LAMC1: variants seen among roughly 807,000 people sequenced by gnomAD.
LAMC1 encodes laminin subunit gamma-1.
In LAMC1, 38 loss-of-function variants were observed where a neutral mutation model predicts 173.6. The ratio of observed to expected loss-of-function variants is 0.22; its 90% CI spans 0.17 to 0.29. The LOEUF (loss-of-function observed/expected upper bound fraction) is 0.29. Among genes scored for constraint, LAMC1 ranks in the 10% least tolerant of loss-of-function variants. LAMC1 has a pLI of 1.00. For synonymous variants in LAMC1, 746 were observed against 749.1 expected (o/e 1.00, Z 0.07); for missense variants, 1,824 against 2,051.8 (o/e 0.89, Z 2.14).
intron 4 of LAMC1, 52 bp downstream of exon 4, chr1:183,110,706 T>C (rs1247462900): frequency 6.4e-7 from 1 of 1,560,832 alleles, no homozygotes; most frequent in East Asian, 2.3e-5. Context: ...CTTCCAAGGG[T>C]GGAAGAAGGA....
At chr1:183,031,543 A>G (rs1358735660) in intron 1 of LAMC1, among the ~76,000 whole-genome samples, 4 of 152,156 alleles carry the variant, frequency 2.6e-5, no homozygotes, top group Admixed American at 2.0e-4. Context: ...ACCTCAGGTG[A>G]TCTGCCCGTC....
At chr1:183,125,700 T>C in intron 15 of LAMC1, 150 bp downstream of exon 15, 1 of 613,968 alleles carries the variant, frequency 1.6e-6, no homozygotes, top group Non-Finnish European at 2.8e-6. Flanking sequence ...TGCTGGAGAA[T>C]TGTAATAAAG....
intron 1 of LAMC1, among the ~76,000 whole-genome samples, chr1:183,066,724 A>C (rs1204038046): frequency 6.6e-6 from 1 of 152,208 alleles, no homozygotes; most frequent in Admixed American, 6.5e-5. Context: ...CAAACACTGC[A>C]TGTTCTCACT....
intron 21 of LAMC1, among the ~76,000 whole-genome samples, chr1:183,133,191 G>A (rs777980862): frequency 3.3e-5 from 5 of 152,242 alleles, no homozygotes; most frequent in African/African-American, 7.2e-5. Context: ...GATTACAGGC[G>A]TGAGCCACTG....
chr1:183,127,532 T>G, intron 17 of LAMC1, 128 bp downstream of exon 17: 1 of 755,362 alleles, frequency 1.3e-6, no homozygotes, highest in Non-Finnish European at 2.1e-6. Context: ...AGACTTATGT[T>G]CCAGTTGGGA....
chr1:183,136,409 A>C lies in LAMC1; in HGVS notation c.4138A>C (p.Asn1380His). The C allele has an allele frequency of 8.7e-6, 14 of 1,614,208 alleles. No individual in the cohort carries two copies. The highest frequency in any genetic ancestry group is 1.2e-5 in the Non-Finnish European group (14 of 1,180,030). Residue 1380 changes from asparagine (N) to histidine (H), a missense_variant, in exon 25 of 28, where the codon AAC (asparagine) becomes CAC (histidine). Coordinates refer to ENST00000258341, the MANE Select transcript of LAMC1 (RefSeq NM_002293.4). ...LKDFDRRVND[N>H]KTAAEEALRK... ...AGATTTTGATAGGCGTGTGAACGAT[A>C]ACAAGACGGCCGCAGAGGAGGCACT...
chr1:183,056,682 G>A (rs1654605923), intron 1 of LAMC1, among the ~76,000 whole-genome samples: 1 of 152,224 alleles, frequency 6.6e-6, no homozygotes, highest in Admixed American at 6.5e-5. Flanking sequence ...AGGTGAGGAA[G>A]CTGAGGTCCA....
At chr1:183,111,816 C>T (rs1427607391) in intron 4 of LAMC1, among the ~76,000 whole-genome samples, 1 of 152,076 alleles carries the variant, frequency 6.6e-6, no homozygotes, top group African/African-American at 2.4e-5. Flanking sequence ...GGTTGGATCA[C>T]CTGAGGTCAG....
intron 1 of LAMC1, among the ~76,000 whole-genome samples, chr1:183,072,002 T>C (rs1655022712): frequency 6.6e-6 from 1 of 152,236 alleles, no homozygotes; most frequent in African/African-American, 2.4e-5. Flanking sequence ...GTAAAAATTG[T>C]ATTTAGAGTA....
At chr1:183,137,585 T>C (rs1656980898) in intron 25 of LAMC1, 84 bp from the exon 26 acceptor site, 2 of 736,468 alleles carry the variant, frequency 2.7e-6, no homozygotes, top group East Asian at 6.1e-5. Flanking sequence ...TTTAAGACAT[T>C]TTATAAATTA....
At chr1:183,103,048 A>G (rs181919310) in intron 1 of LAMC1, among the ~76,000 whole-genome samples, 1 of 152,250 alleles carries the variant, frequency 6.6e-6, no homozygotes, top group Non-Finnish European at 1.5e-5. Flanking sequence ...AATTAATAGT[A>G]TAAGTACAGT....
chr1:183,108,432 G>A (rs779528495), intron 3 of LAMC1, 26 bp downstream of exon 3: 1 of 1,601,986 alleles, frequency 6.2e-7, no homozygotes, highest in African/African-American at 1.3e-5. Context: ...AATTAGTCTT[G>A]AAAGTGTTTG....
rs777741748 is a variant in LAMC1 at position 183,128,691 on chromosome 1, G to T, written c.3221G>T (p.Arg1074Ile). The change falls in exon 18 of 28, where the codon AGA becomes ATA. Residue 1074 changes from arginine (R) to isoleucine (I), a missense_variant. Physicochemically the swap from Arg to Ile is moderately conservative, Grantham distance 97. Coordinates refer to ENST00000258341, the MANE Select transcript of LAMC1 (RefSeq NM_002293.4). ...EMVTDQAFEDRLKEAEREVMD... is the reference protein window; with the variant it reads ...EMVTDQAFEDILKEAEREVMD... ...GTGACAGATCAAGCCTTCGAGGATAGACTAAAGGAAGCAGAGAGGGAAGTT... is the reference window on the plus strand; with the variant it reads ...GTGACAGATCAAGCCTTCGAGGATATACTAAAGGAAGCAGAGAGGGAAGTT... The T allele has an allele frequency of 6.2e-7, 1 of 1,613,632 alleles. No homozygotes were observed. The highest frequency in any genetic ancestry group is 1.7e-5 in the Admixed American group (1 of 59,996).
intron 1 of LAMC1, among the ~76,000 whole-genome samples, chr1:183,031,675 AG>A (rs1490702414): frequency 1.3e-5 from 2 of 152,114 alleles, no homozygotes; most frequent in African/African-American, 4.8e-5. Flanking sequence ...TTTGGGTTTT[AG>A]GGAAAGGTGT....
intron 1 of LAMC1, among the ~76,000 whole-genome samples, chr1:183,044,014 G>T (rs1654204073): frequency 6.6e-6 from 1 of 151,832 alleles, no homozygotes; most frequent in African/African-American, 2.4e-5. Context: ...TTTCTGTCCA[G>T]TTTTTTTTAA....
At chr1:183,117,494 C>T in intron 9 of LAMC1, 40 bp from the exon 10 acceptor site, 1 of 1,611,592 alleles carries the variant, frequency 6.2e-7, no homozygotes, top group Middle Eastern at 1.7e-4. Flanking sequence ...TGTTTAGTCT[C>T]AGTCTCACAT....
chr1:183,136,365 G>A, intron 24 of LAMC1, 21 bp from the exon 25 acceptor site: 1 of 1,610,510 alleles, frequency 6.2e-7, no homozygotes, highest in Non-Finnish European at 8.5e-7. Context: ...TAGCTCAAAT[G>A]TGTCCTTGAA....
intron 25 of LAMC1, among the ~76,000 whole-genome samples, 156 bp downstream of exon 25, chr1:183,136,741 A>G (rs1031913694): frequency 2.3e-5 from 3 of 129,884 alleles, no homozygotes; most frequent in Non-Finnish European, 5.0e-5. Flanking sequence ...TCTTTTGACT[A>G]GGCATGAGAG....
chr1:183,088,558 A>G (rs775219876), intron 1 of LAMC1, among the ~76,000 whole-genome samples: 20 of 152,200 alleles, frequency 1.3e-4, no homozygotes, highest in Non-Finnish European at 2.4e-4. Context: ...TACTTGTGTC[A>G]TGGTTAGAAA....
Sources: gnomAD v4.1 joint callset for allele counts (sites outside exome capture counted in the v4.1 genomes callset) on GRCh38, gnomAD v4.1.1 for gene constraint, MANE v1.5 for transcripts, NCBI Gene and HGNC (gene_info 2026-07-23, HGNC 2026-07-21) for gene names.